The following CALD1 variants were observed in gnomAD, a reference collection of about 807,000 sequenced individuals.
The protein encoded by CALD1 is caldesmon 1.
In CALD1, 33 loss-of-function variants were observed where a neutral mutation model predicts 99.9. That is an observed-to-expected ratio of 0.33 (90% confidence interval 0.25 to 0.44). The LOEUF is 0.44. Among genes scored for constraint, CALD1 ranks in the 20% least tolerant of loss-of-function variants. The probability of loss-of-function intolerance (pLI) is 1.00; values close to 1 mark genes in which losing one functional copy is unlikely to be tolerated. For missense variants in CALD1, 861 were observed against 962.1 expected, an observed-to-expected ratio of 0.89 and a Z score of 1.39; for synonymous variants, 310 against 325.0, an observed-to-expected ratio of 0.95 and a Z score of 0.50.
intron 1 of CALD1, among the ~76,000 whole-genome samples, chr7:134,815,242 G>C (rs1268602926): frequency 6.6e-6 from 1 of 152,142 alleles, no homozygotes; most frequent in Non-Finnish European, 1.5e-5. Flanking sequence ...TGGAATTTAG[G>C]CTGTGCATAT....
At chr7:134,760,062 G>A (rs1476954085) in intron 1 of CALD1, among the ~76,000 whole-genome samples, 2 of 152,198 alleles carry the variant, frequency 1.3e-5, no homozygotes, top group African/African-American at 4.8e-5. Context: ...GAAAGAAGAT[G>A]GAGGGCTGGA....
intron 3 of CALD1, among the ~76,000 whole-genome samples, chr7:134,894,526 A>T (rs1263989807): frequency 6.6e-6 from 1 of 152,224 alleles, no homozygotes; most frequent in Non-Finnish European, 1.5e-5. Context: ...TGCTAGACGT[A>T]CTAGGTTAAA....
At chr7:134,736,553 G>C in the CALD1 span, among the ~76,000 whole-genome samples, 3 of 152,148 alleles carry the variant, frequency 2.0e-5, no homozygotes, top group Admixed American at 2.0e-4. Flanking sequence ...GGCAAAATGA[G>C]TCTCATTCTC....
rs548960184 is a variant in CALD1 at position 134,933,211 on chromosome 7, G to A, written c.442G>A (p.Glu148Lys). The A allele has an allele frequency of 9.3e-6, 15 of 1,611,102 alleles. No individual in the cohort carries two copies. The African/African-American group carries it at 9.4e-5, about 10-fold the overall frequency. Residue 148 changes from glutamate to lysine, a missense_variant, in exon 5 of 15, where the codon GAG (glutamate) becomes AAG (lysine). Around this residue, in one of 5 missense-constraint regions of CALD1, gnomAD observed 234 missense variants for 233.1 expected, o/e 1.00. Transcript: ENST00000361675. ...QNDTAENETT[E>K]KEEKSESRQE... ...TGACACAGCAGAAAATGAAACTACC[G>A]AGAAGGAAGAAAAAAGTGAAAGTCG...
intron 1 of CALD1, among the ~76,000 whole-genome samples, chr7:134,767,348 C>T (rs766607099): frequency 4.6e-5 from 7 of 152,136 alleles, no homozygotes; most frequent in Non-Finnish European, 2.9e-5. Flanking sequence ...ACGCAGCAAT[C>T]TCTTTAAAAA....
intron 1 of CALD1, among the ~76,000 whole-genome samples, chr7:134,829,256 A>C (rs928017309): frequency 6.6e-6 from 1 of 152,236 alleles, no homozygotes; most frequent in Admixed American, 6.5e-5. Flanking sequence ...AGAGACTTAC[A>C]ACAGAGAATG....
exon 1 of CALD1, chr7:134,744,300 G>A (rs544273133): frequency 1.3e-5 from 2 of 152,302 alleles, no homozygotes; most frequent in South Asian, 4.1e-4. Flanking sequence ...TCATTCTCAG[G>A]AGGCAAGACT....
At chr7:134,816,255 T>A (rs1377759449) in intron 1 of CALD1, among the ~76,000 whole-genome samples, 2 of 152,226 alleles carry the variant, frequency 1.3e-5, no homozygotes, top group African/African-American at 2.4e-5. Flanking sequence ...TATAATGTGA[T>A]GTTGCAAATC....
chr7:134,752,813 C>T (rs748518198), intron 1 of CALD1, among the ~76,000 whole-genome samples: 13 of 152,000 alleles, frequency 8.6e-5, no homozygotes, highest in Non-Finnish European at 1.6e-4. Flanking sequence ...CCAGCCTGGC[C>T]AACATGGTGA....
At chr7:134,825,486 G>A (rs1798951794) in intron 1 of CALD1, among the ~76,000 whole-genome samples, 1 of 152,042 alleles carries the variant, frequency 6.6e-6, no homozygotes, top group South Asian at 2.1e-4. Flanking sequence ...AAAGAGGGGT[G>A]AGAAAAATTA....
At chr7:134,891,365 T>C in intron 3 of CALD1, 1 of 1,236,708 alleles carries the variant, frequency 8.1e-7, no homozygotes, top group Non-Finnish European at 1.0e-6. Flanking sequence ...CAGTAAAAAA[T>C]AACAATCAGC....
chr7:134,792,676 C>CCTAT (rs1320020617), intron 1 of CALD1, among the ~76,000 whole-genome samples: 4 of 152,072 alleles, frequency 2.6e-5, no homozygotes, highest in Non-Finnish European at 5.9e-5. Context: ...CTGTAAAGAC[C>CCTAT]CTATCTCCAA....
chr7:134,888,937 T>C (rs1484496010), intron 3 of CALD1, among the ~76,000 whole-genome samples: 2 of 152,234 alleles, frequency 1.3e-5, no homozygotes, highest in Non-Finnish European at 2.9e-5. Flanking sequence ...TACTAAATTC[T>C]TGCTCTCCTC....
At chr7:134,833,299 TG>T (rs796575491) in intron 1 of CALD1, among the ~76,000 whole-genome samples, 2 of 152,322 alleles carry the variant, frequency 1.3e-5, no homozygotes, top group African/African-American at 4.8e-5. Flanking sequence ...CATTATGGGA[TG>T]TTCAATATGA....
At chr7:134,833,944 A>G (rs1031517465) in intron 1 of CALD1, among the ~76,000 whole-genome samples, 2 of 152,232 alleles carry the variant, frequency 1.3e-5, no homozygotes, top group African/African-American at 2.4e-5. Flanking sequence ...GAAAAGACCC[A>G]CTTAGAGGAA....
chr7:134,920,774 G>C, intron 3 of CALD1: 1 of 878,446 alleles, frequency 1.1e-6, no homozygotes, highest in Non-Finnish European at 1.6e-6. Flanking sequence ...CATTCTGTCA[G>C]ATAGTGAGTT....
At chr7:134,794,291 A>G (rs1452417153) in intron 1 of CALD1, among the ~76,000 whole-genome samples, 3 of 152,154 alleles carry the variant, frequency 2.0e-5, no homozygotes, top group Non-Finnish European at 4.4e-5. Flanking sequence ...CTAGGCTCGC[A>G]CGGGATGCAT....
intron 3 of CALD1, among the ~76,000 whole-genome samples, chr7:134,892,598 G>C (rs1016578328): frequency 2.6e-5 from 4 of 152,146 alleles, no homozygotes; most frequent in Admixed American, 2.0e-4. Context: ...CTAAAAACAA[G>C]ACCCATGTCC....
Position 134,752,917 on chromosome 7 carries a change from G to A in CALD1, c.-130+8554G>A, listed in dbSNP as rs1330801829. ...CCCAGCTACTCAGGAGGCTGAAGGA[G>A]GAGAAGCACTTGAACCTGGGAGGTG... On this transcript the variant is annotated intron_variant, in intron 1 of 13. Coordinates refer to the CALD1 transcript ENST00000417172. Among the ~76,000 whole-genome samples the A allele has an allele frequency of 4.0e-5, 6 of 150,944 alleles. No homozygotes were observed. In the East Asian group the frequency reaches 1.2e-3, roughly 29 times the overall value.
Sources: allele counts gnomAD v4.1 joint callset (sites outside exome capture counted in the v4.1 genomes callset), GRCh38; gene constraint gnomAD v4.1.1; regional missense constraint gnomAD v4.1.1; transcripts MANE v1.5; gene names NCBI Gene and HGNC (gene_info 2026-07-23, HGNC 2026-07-21).